Variants in PLS1 observed in about 807,000 individuals in gnomAD.
The protein encoded by PLS1 is plastin-1.
Under a neutral mutation model 73.7 loss-of-function variants are expected in PLS1, and 32 were observed. The observed-to-expected ratio is 0.43, with a 90% CI of 0.33 to 0.58. The LOEUF (loss-of-function observed/expected upper bound fraction) is 0.58. PLS1 is among the 20% of genes least tolerant of loss of function. The pLI, the probability that PLS1 is intolerant of heterozygous loss-of-function variation, is 0.04. For synonymous variants in PLS1, 217 were observed against 261.3 expected (o/e 0.83, Z 1.63); for missense variants, 633 against 740.5 (o/e 0.85, Z 1.68).
intron 1 of PLS1, among the ~76,000 whole-genome samples, chr3:142,658,506 C>G (rs548181563): frequency 6.6e-6 from 1 of 151,004 alleles, no homozygotes; most frequent in African/African-American, 2.4e-5. Flanking sequence ...GTAACAGATT[C>G]AGCCCTACCC....
At chr3:142,643,101 G>A (rs2036876296) in intron 1 of PLS1, among the ~76,000 whole-genome samples, 1 of 152,216 alleles carries the variant, frequency 6.6e-6, no homozygotes, top group Non-Finnish European at 1.5e-5. Context: ...GGTGAGAGAG[G>A]TTGCAAATTG....
At position 142,683,543 on chromosome 3, in the gene PLS1, G is replaced by A. The variant is rs941686013; in HGVS notation, c.580-463G>A. Among the ~76,000 whole-genome samples, 188 of 152,224 alleles carry A rather than the reference G, an allele frequency of 1.2e-3. 1 individual carries two copies. The highest frequency in any genetic ancestry group is 4.6e-4 in the African/African-American group (19 of 41,558). On this transcript the variant is annotated intron_variant, in intron 6 of 15. Transcript: ENST00000457734. ...AAAAAGAGGATGGGCTCGGGAGACC[G>A]CTGGGATCAGACCCCGGCCTTTCCA...
intron 1 of PLS1, among the ~76,000 whole-genome samples, chr3:142,615,964 C>T (rs968443042): frequency 1.3e-5 from 2 of 152,098 alleles, no homozygotes; most frequent in African/African-American, 4.8e-5. Flanking sequence ...GAGGATGGAC[C>T]CAGGAGACTA....
intron 1 of PLS1, among the ~76,000 whole-genome samples, chr3:142,662,821 A>G (rs936134066): frequency 1.3e-5 from 2 of 152,256 alleles, no homozygotes; most frequent in Admixed American, 1.3e-4. Flanking sequence ...ACATGAAAAC[A>G]TAGTGACAAT....
At chr3:142,634,117 A>G (rs1258895803) in intron 1 of PLS1, among the ~76,000 whole-genome samples, 1 of 152,198 alleles carries the variant, frequency 6.6e-6, no homozygotes, top group African/African-American at 2.4e-5. Context: ...TAACAATGGA[A>G]GCTGTCTAAA....
chr3:142,674,207 C>A (rs1458351831), intron 4 of PLS1, among the ~76,000 whole-genome samples: 1 of 152,110 alleles, frequency 6.6e-6, no homozygotes, highest in Admixed American at 6.6e-5. Context: ...CTAAAAAATT[C>A]CTCAATGGCA....
intron 9 of PLS1, among the ~76,000 whole-genome samples, chr3:142,686,980 C>T (rs1362463401): frequency 6.6e-6 from 1 of 152,126 alleles, no homozygotes; most frequent in Non-Finnish European, 1.5e-5. Context: ...GTTTTACCAG[C>T]TTATATTTAG....
rs116974679 is a variant in PLS1 at position 142,708,155 on chromosome 3, G to A, written c.1630-3346G>A. ...CTGTTGGCATTGCTAATATATAAAGGGCATCATATGTGGCAGGACAGGGGA... is the reference window on the plus strand; with the variant it reads ...CTGTTGGCATTGCTAATATATAAAGAGCATCATATGTGGCAGGACAGGGGA... On this transcript the variant is annotated intron_variant, in intron 14 of 15. Transcript: ENST00000457734. Among the ~76,000 whole-genome samples, 102 of 152,222 alleles carry A rather than the reference G, an allele frequency of 6.7e-4. 1 individual carries two copies. In the East Asian group the frequency reaches 0.018, roughly 27 times the overall value.
intron 1 of PLS1, among the ~76,000 whole-genome samples, chr3:142,597,574 T>A (rs1225942058): frequency 6.6e-6 from 1 of 152,134 alleles, no homozygotes; most frequent in African/African-American, 2.4e-5. Flanking sequence ...CCATGATAAA[T>A]GTTTTAATGG....
intron 1 of PLS1, among the ~76,000 whole-genome samples, chr3:142,637,237 A>G (rs974377234): frequency 6.6e-6 from 1 of 152,226 alleles, no homozygotes; most frequent in Non-Finnish European, 1.5e-5. Context: ...AATACACAAC[A>G]TAGATCTCAA....
intron 9 of PLS1, among the ~76,000 whole-genome samples, 185 bp from the exon 10 acceptor site, chr3:142,689,429 CATAA>C (rs60286789): frequency 6.3e-4 from 93 of 148,590 alleles, no homozygotes; most frequent in Admixed American, 2.1e-3. Context: ...TCTCTAAATA[CATAA>C]ATAAATAAAT....
intron 1 of PLS1, among the ~76,000 whole-genome samples, chr3:142,608,378 ATAAAGT>A (rs1174977514): frequency 1.3e-5 from 2 of 152,254 alleles, no homozygotes; most frequent in Non-Finnish European, 2.9e-5. Flanking sequence ...GTAATAAAAC[ATAAAGT>A]TAATAGAAAT....
At chr3:142,634,506 C>T (rs1027336216) in intron 1 of PLS1, among the ~76,000 whole-genome samples, 1 of 152,140 alleles carries the variant, frequency 6.6e-6, no homozygotes, top group African/African-American at 2.4e-5. Context: ...TTCAACTGTA[C>T]TTGTGGATTT....
At chr3:142,694,586 C>A in intron 11 of PLS1, 39 bp downstream of exon 11, 2 of 1,232,406 alleles carry the variant, frequency 1.6e-6, no homozygotes, top group South Asian at 2.5e-5. Flanking sequence ...CTGTCAGGGT[C>A]CAACTTTTCA....
intron 14 of PLS1, among the ~76,000 whole-genome samples, chr3:142,707,138 A>G (rs2038479146): frequency 6.6e-6 from 1 of 152,232 alleles, no homozygotes; most frequent in Non-Finnish European, 1.5e-5. Context: ...GGCATTTTGC[A>G]TATGCTTAAT....
At chr3:142,601,163 G>C (rs947150618) in intron 1 of PLS1, among the ~76,000 whole-genome samples, 1 of 150,218 alleles carries the variant, frequency 6.7e-6, no homozygotes, top group Non-Finnish European at 1.5e-5. Flanking sequence ...CTGACCTCGT[G>C]ATCCGCCCGC....
chr3:142,708,085 A>G (rs1326475648), intron 14 of PLS1, among the ~76,000 whole-genome samples: 1 of 152,176 alleles, frequency 6.6e-6, no homozygotes, highest in Non-Finnish European at 1.5e-5. Flanking sequence ...AGAGCTTAAC[A>G]GTACCTAGCA....
At chr3:142,599,343 TTTTTG>T (rs2035872411) in intron 1 of PLS1, among the ~76,000 whole-genome samples, 1 of 139,570 alleles carries the variant, frequency 7.2e-6, no homozygotes, top group East Asian at 2.1e-4. Flanking sequence ...TTTTTTTTTT[TTTTTG>T]AGATGGAGTC....
intron 6 of PLS1, among the ~76,000 whole-genome samples, chr3:142,679,171 T>A (rs150475589): frequency 0.042 from 6,422 of 152,002 alleles, 443 homozygotes; most frequent in African/African-American, 0.15. Flanking sequence ...TTCTGGATAT[T>A]AGCCCTTTGT....
Sources: allele counts gnomAD v4.1 joint callset (sites outside exome capture counted in the v4.1 genomes callset), GRCh38; gene constraint gnomAD v4.1.1; transcripts MANE v1.5; gene names NCBI Gene and HGNC (gene_info 2026-07-23, HGNC 2026-07-21).